The following FOXN3 variants were observed in gnomAD, a reference collection of about 807,000 sequenced individuals.
FOXN3 encodes forkhead box protein N3.
Under a neutral mutation model 38.4 loss-of-function variants are expected in FOXN3, and 7 were observed. The observed-to-expected ratio is 0.18, with a 90% CI of 0.10 to 0.34. The LOEUF (loss-of-function observed/expected upper bound fraction) is 0.34. Among genes scored for constraint, FOXN3 ranks in the 10% least tolerant of loss-of-function variants. The pLI, the probability that FOXN3 is intolerant of heterozygous loss-of-function variation, is 1.00. For missense variants in FOXN3, 456 were observed against 613.4 expected, an observed-to-expected ratio of 0.74 and a Z score of 2.71; for synonymous variants, 230 against 242.2, an observed-to-expected ratio of 0.95 and a Z score of 0.47.
chr14:89,581,311 G>A (rs768343069), intron 1 of FOXN3, among the ~76,000 whole-genome samples: 2 of 151,938 alleles, frequency 1.3e-5, no homozygotes, highest in African/African-American at 2.4e-5. Context: ...GTGAAACCCC[G>A]TCTCTACTAC....
At chr14:89,460,000 T>C (rs1566663366) in intron 1 of FOXN3, among the ~76,000 whole-genome samples, 1 of 152,184 alleles carries the variant, frequency 6.6e-6, no homozygotes, top group Non-Finnish European at 1.5e-5. Context: ...GATGTTCCCC[T>C]GGAAGTCTGG....
At chr14:89,354,236 G>GC (rs1889100875) in intron 2 of FOXN3, among the ~76,000 whole-genome samples, 1 of 146,928 alleles carries the variant, frequency 6.8e-6, no homozygotes, top group Non-Finnish European at 1.5e-5. Flanking sequence ...TTTTTTGTTT[G>GC]TTTTTTCTTA....
intron 1 of FOXN3, among the ~76,000 whole-genome samples, chr14:89,490,655 G>C (rs534862310): frequency 1.8e-4 from 27 of 152,340 alleles, no homozygotes; most frequent in Non-Finnish European, 3.5e-4. Flanking sequence ...CACCTGGTTT[G>C]TTCCATGAGT....
intron 4 of FOXN3, among the ~76,000 whole-genome samples, chr14:89,217,888 G>A (rs1211919174): frequency 6.6e-6 from 1 of 152,184 alleles, no homozygotes; most frequent in Non-Finnish European, 1.5e-5. Flanking sequence ...CGCTATGCTG[G>A]TGGCTCCCTG....
At chr14:89,240,825 G>A (rs1459287988) in intron 4 of FOXN3, among the ~76,000 whole-genome samples, 2 of 152,170 alleles carry the variant, frequency 1.3e-5, no homozygotes, top group African/African-American at 4.8e-5. Context: ...AGGAGAAAGG[G>A]CCTGAGTGGA....
intron 1 of FOXN3, among the ~76,000 whole-genome samples, chr14:89,431,950 G>T (rs754694389): frequency 6.6e-6 from 1 of 152,106 alleles, no homozygotes; most frequent in Non-Finnish European, 1.5e-5. Context: ...CCTGACCTCA[G>T]GTGATCCGCC....
At chr14:89,511,619 C>G (rs1232299213) in intron 1 of FOXN3, among the ~76,000 whole-genome samples, 1 of 152,088 alleles carries the variant, frequency 6.6e-6, no homozygotes, top group African/African-American at 2.4e-5. Context: ...GAGGTTACCC[C>G]CTACAGGACT....
upstream of FOXN3, among the ~76,000 whole-genome samples, chr14:89,418,758 T>TGTA (rs1891826831): frequency 1.8e-5 from 2 of 111,326 alleles, no homozygotes; most frequent in South Asian, 8.0e-4. Flanking sequence ...ATGTGTACCC[T>TGTA]GCTTTCCTGT....
At chr14:89,474,903 C>A (rs1893180508) in intron 1 of FOXN3, among the ~76,000 whole-genome samples, 1 of 152,186 alleles carries the variant, frequency 6.6e-6, no homozygotes, top group African/African-American at 2.4e-5. Flanking sequence ...GCAACCTCCG[C>A]CTCCTGGGTT....
intron 4 of FOXN3, among the ~76,000 whole-genome samples, chr14:89,225,688 C>A (rs1284853076): frequency 1.3e-5 from 2 of 152,174 alleles, no homozygotes; most frequent in African/African-American, 4.8e-5. Flanking sequence ...TTGACCCCCT[C>A]CCTCACTGTC....
Position 89,246,012 on chromosome 14 carries a change from C to T in FOXN3, c.745+34938G>A, listed in dbSNP as rs77987046. Among the ~76,000 whole-genome samples, 1,133 of 152,220 alleles carry T rather than the reference C, an allele frequency of 7.4e-3. 4 individuals carry two copies. The highest frequency in any genetic ancestry group is 0.011 in the African/African-American group (457 of 41,538). ...AATAAGTCATCATTTGGTGTGAGGA[C>T]GGGTGATGGCTTAAGGGTACAGGGT... On this transcript the variant is annotated intron_variant, in intron 4 of 5. Transcript: ENST00000557258.
At chr14:89,421,214 A>C (rs765936527), upstream of FOXN3, among the ~76,000 whole-genome samples, 44 of 148,042 alleles carry the variant, frequency 3.0e-4, no homozygotes, top group Admixed American at 9.5e-4. Context: ...CAATGGCACA[A>C]TCTCGGCTCA....
chr14:89,445,620 G>C (rs894015494), intron 1 of FOXN3, among the ~76,000 whole-genome samples: 17 of 152,116 alleles, frequency 1.1e-4, no homozygotes, highest in African/African-American at 3.9e-4. Context: ...CTGCCTCCTG[G>C]GGAAAACTCC....
At chr14:89,404,542 G>A (rs968804396) in intron 2 of FOXN3, among the ~76,000 whole-genome samples, 1 of 149,850 alleles carries the variant, frequency 6.7e-6, no homozygotes, top group African/African-American at 2.4e-5. Context: ...CGGCAGGATG[G>A]GTCAGGGAGC....
At chr14:89,574,726 G>A (rs1469272770) in intron 1 of FOXN3, among the ~76,000 whole-genome samples, 1 of 152,100 alleles carries the variant, frequency 6.6e-6, no homozygotes, top group East Asian at 1.9e-4. Flanking sequence ...CGTCCTACAG[G>A]CAGTGGCTGG....
intron 1 of FOXN3, among the ~76,000 whole-genome samples, chr14:89,555,466 C>T (rs1414570454): frequency 1.3e-5 from 2 of 152,172 alleles, no homozygotes; most frequent in East Asian, 3.9e-4. Context: ...AAACCAATGT[C>T]TTGAGGCTAG....
intron 2 of FOXN3, among the ~76,000 whole-genome samples, chr14:89,392,797 C>CCAT (rs71130073): frequency 2.1e-5 from 3 of 143,162 alleles, no homozygotes; most frequent in Admixed American, 1.5e-4. Flanking sequence ...CAGACCACCA[C>CCAT]GCCCAGCTAA....
intron 3 of FOXN3, among the ~76,000 whole-genome samples, chr14:89,330,963 G>C (rs756997191): frequency 6.6e-6 from 1 of 152,198 alleles, no homozygotes; most frequent in Admixed American, 6.5e-5. Flanking sequence ...TGTGAAATGA[G>C]GTCTGTCTAC....
chr14:89,303,211 C>A (rs1425351363), intron 3 of FOXN3, among the ~76,000 whole-genome samples: 1 of 152,112 alleles, frequency 6.6e-6, no homozygotes, highest in African/African-American at 2.4e-5. Flanking sequence ...TGACCTCTGT[C>A]ATTGCTACTC....
Sources: gnomAD v4.1 joint callset for allele counts (sites outside exome capture counted in the v4.1 genomes callset) on GRCh38, gnomAD v4.1.1 for gene constraint, MANE v1.5 for transcripts, NCBI Gene and HGNC (gene_info 2026-07-23, HGNC 2026-07-21) for gene names.